The following ADAMTS2 variants were observed in gnomAD, a reference collection of about 807,000 sequenced individuals.
ADAMTS2 encodes A disintegrin and metalloproteinase with thrombospondin motifs 2.
ADAMTS2 carries 50 observed loss-of-function variants against 123.0 expected under a neutral mutation model. The observed-to-expected ratio is 0.41, with a 90% CI of 0.32 to 0.51. The LOEUF (loss-of-function observed/expected upper bound fraction) is 0.51. ADAMTS2 is among the 20% of genes least tolerant of loss of function. ADAMTS2 has a pLI of 0.35. For synonymous variants in ADAMTS2, 678 were observed against 695.4 expected (o/e 0.98, Z 0.39); for missense variants, 1,494 against 1,705.2 (o/e 0.88, Z 2.18).
At chr5:179,226,542 G>A (rs2113419593) in intron 3 of ADAMTS2, among the ~76,000 whole-genome samples, 1 of 151,936 alleles carries the variant, frequency 6.6e-6, no homozygotes, top group African/African-American at 2.4e-5. Context: ...CTCCCACAGT[G>A]TTGGTATTAC....
rs760424301 is a variant in ADAMTS2, at chr5:179,121,757, G to T, written c.3089-7C>A. 1.2e-5 allele frequency: 18 copies of T among 1,547,370 alleles called. No homozygotes were observed. The East Asian group carries it at 4.2e-4, about 36-fold the overall frequency. On this transcript the variant is annotated splice_polypyrimidine_tract_variant and splice_region_variant and intron_variant, in intron 20 of 21. Coordinates refer to ENST00000251582, the MANE Select transcript of ADAMTS2 (RefSeq NM_014244.5). The stretch of plus-strand genomic sequence containing the variant: ...GAGGGATCTGAGATGTTTCCTAGAG[G>T]GAGGAGAGAGGGGCTGCGGCCGCAG...
chr5:179,160,799 T>G (rs1178708041), intron 5 of ADAMTS2, among the ~76,000 whole-genome samples: 1 of 152,198 alleles, frequency 6.6e-6, no homozygotes, highest in Non-Finnish European at 1.5e-5. Context: ...GTGCACTTCC[T>G]GTTCCCATCA....
chr5:179,139,007 C>T (rs553574997), intron 11 of ADAMTS2, among the ~76,000 whole-genome samples: 4 of 152,362 alleles, frequency 2.6e-5, no homozygotes, highest in Non-Finnish European at 5.9e-5. Context: ...TGTGAAATTA[C>T]AGATTGTCAA....
chr5:179,159,656 C>T (rs1405566763), intron 5 of ADAMTS2, among the ~76,000 whole-genome samples: 1 of 152,162 alleles, frequency 6.6e-6, no homozygotes, highest in Non-Finnish European at 1.5e-5. Flanking sequence ...TGCACACTCT[C>T]TCTGCACCAT....
At position 179,216,336 on chromosome 5, in the gene ADAMTS2, G is replaced by T. The variant is rs565363996; in HGVS notation, c.689-8621C>A. On this transcript the variant is annotated intron_variant, in intron 3 of 21. Transcript: ENST00000251582. ...CAGGAGAGCCTGGCCTAGGTTCTTGGCAGTACTTGGCTTGGCCATGTGCCG... is the reference window on the plus strand; with the variant it reads ...CAGGAGAGCCTGGCCTAGGTTCTTGTCAGTACTTGGCTTGGCCATGTGCCG... Among the ~76,000 whole-genome samples the T allele has an allele frequency of 7.5e-4, 115 of 152,364 alleles. 1 individual carries two copies. The highest frequency in any genetic ancestry group is 2.7e-3 in the African/African-American group (112 of 41,594).
intron 5 of ADAMTS2, among the ~76,000 whole-genome samples, chr5:179,165,503 T>C (rs1008132696): frequency 1.3e-5 from 2 of 152,146 alleles, no homozygotes; most frequent in African/African-American, 4.8e-5. Context: ...TGACTCCACC[T>C]GTTCCTAGCT....
intron 2 of ADAMTS2, among the ~76,000 whole-genome samples, chr5:179,327,599 T>C (rs1456667386): frequency 1.3e-5 from 2 of 152,124 alleles, no homozygotes; most frequent in Non-Finnish European, 2.9e-5. Flanking sequence ...CATCCTGCGT[T>C]CGAAGCTCTA....
At chr5:179,184,509 T>TA (rs554713153) in intron 4 of ADAMTS2, among the ~76,000 whole-genome samples, 5,595 of 91,132 alleles carry the variant, frequency 0.061, 223 homozygotes, top group African/African-American at 0.14. Flanking sequence ...AGACTCTGTC[T>TA]AAAAAAAAAA....
intron 3 of ADAMTS2, among the ~76,000 whole-genome samples, chr5:179,211,674 G>C (rs1380606508): frequency 2.0e-5 from 3 of 152,228 alleles, no homozygotes; most frequent in African/African-American, 2.4e-5. Context: ...AATGAGGGGA[G>C]GCAGCAGTTC....
At chr5:179,145,698 T>C (rs550294344) in intron 10 of ADAMTS2, among the ~76,000 whole-genome samples, 3 of 152,302 alleles carry the variant, frequency 2.0e-5, no homozygotes, top group Admixed American at 6.5e-5. Flanking sequence ...TACGAGTGGC[T>C]ATCTGGAGTT....
intron 3 of ADAMTS2, among the ~76,000 whole-genome samples, chr5:179,235,850 C>A (rs1166181512): frequency 3.9e-5 from 6 of 152,214 alleles, no homozygotes; most frequent in Non-Finnish European, 1.5e-5. Flanking sequence ...TCCAACAGTG[C>A]CCCCACCCTC....
At position 179,329,099 on chromosome 5, in the gene ADAMTS2, G is replaced by A. The variant is rs562893674; in HGVS notation, c.534+14668C>T. ...TCCCAGCACTTTGGGAGGCCAAGGAGGGCGGATCACGAGGTCAGGAGATGG... is the reference window on the plus strand; with the variant it reads ...TCCCAGCACTTTGGGAGGCCAAGGAAGGCGGATCACGAGGTCAGGAGATGG... On this transcript the variant is annotated intron_variant, in intron 2 of 21. Transcript: ENST00000251582. 8.5e-5 allele frequency among the ~76,000 whole-genome samples: 13 copies of A among 152,262 alleles called. No individual in the cohort carries two copies. In the East Asian group the frequency reaches 9.7e-4, roughly 11 times the overall value.
At position 179,289,875 on chromosome 5, in the gene ADAMTS2, T is replaced by C. The variant is rs563130578; in HGVS notation, c.535-16811A>G. 7.2e-4 allele frequency among the ~76,000 whole-genome samples: 110 copies of C among 152,320 alleles called. No individual in the cohort carries two copies. The South Asian group carries it at 0.022, about 30-fold the overall frequency. On this transcript the variant is annotated intron_variant, in intron 2 of 21. Transcript: ENST00000251582. ...GGCACACCAGAAAAACCCATGGGGA[T>C]GCACCGTCTACAAAACAGCTGACCA...
Position 179,266,348 on chromosome 5 carries a change from G to A in ADAMTS2, c.688+6563C>T, listed in dbSNP as rs142736111. Among the ~76,000 whole-genome samples the A allele has an allele frequency of 3.2e-3, 482 of 152,266 alleles. 3 individuals are homozygous for A. The highest frequency in any genetic ancestry group is 0.011 in the African/African-American group (462 of 41,548). ...GGAAAGTAACCTGGATGGTCCCAGCGGGCCCTAAATGTTATCACAAGTGTC... is the reference window on the plus strand; with the variant it reads ...GGAAAGTAACCTGGATGGTCCCAGCAGGCCCTAAATGTTATCACAAGTGTC... On this transcript the variant is annotated intron_variant, in intron 3 of 21. Transcript: ENST00000251582.
chr5:179,155,645 C>G lies in ADAMTS2; in HGVS notation c.1133-726G>C, dbSNP rs1763455229. On this transcript the variant is annotated intron_variant, in intron 6 of 21. Coordinates refer to ENST00000251582, the MANE Select transcript of ADAMTS2 (RefSeq NM_014244.5). This position sits in a 1 kb window ranked among gnomAD's most constrained non-coding sequence, Gnocchi z 5.1. The stretch of plus-strand genomic sequence containing the variant: ...CATGACGCAGAGACCCCACGTCAAA[C>G]TGAGGAAGATGGATAATGAGACCTA... 6.6e-6 allele frequency among the ~76,000 whole-genome samples: 1 copy of G among 152,226 alleles called. No homozygotes were observed. Among genetic ancestry groups the G allele is most frequent in the African/African-American group, 2.4e-5 (1 of 41,458 alleles).
At chr5:179,305,247 T>G (rs1421971359) in intron 2 of ADAMTS2, among the ~76,000 whole-genome samples, 1 of 152,172 alleles carries the variant, frequency 6.6e-6, no homozygotes, top group Admixed American at 6.5e-5. Flanking sequence ...AAAGAAATTT[T>G]GAACATCAGG....
intron 4 of ADAMTS2, among the ~76,000 whole-genome samples, chr5:179,184,509 T>TCAAAAAAAAAAAAAAAAAAA (rs1290290563): frequency 3.2e-4 from 29 of 91,412 alleles, no homozygotes; most frequent in African/African-American, 1.2e-3. Flanking sequence ...AGACTCTGTC[T>TCAAAAAAAAAAAAAAAAAAA]AAAAAAAAAA....
In ADAMTS2 at chr5:179,162,524, G is replaced by A. The variant is rs919961529; in HGVS notation, c.976-3645C>T. On this transcript the variant is annotated intron_variant, in intron 5 of 21. Coordinates refer to ENST00000251582, the MANE Select transcript of ADAMTS2 (RefSeq NM_014244.5). This position sits in a 1 kb window ranked among gnomAD's most constrained non-coding sequence, Gnocchi z 5.1. ...CCAGGCTCATTCAGGTGGTCACGGCGGGCCCCAGCTGAGCTGTTGCACACC... is the reference window on the plus strand; with the variant it reads ...CCAGGCTCATTCAGGTGGTCACGGCAGGCCCCAGCTGAGCTGTTGCACACC... Among the ~76,000 whole-genome samples, 8 of 152,128 alleles carry A rather than the reference G, an allele frequency of 5.3e-5. No individual in the cohort carries two copies. Among genetic ancestry groups the A allele is most frequent in the South Asian group, 2.1e-4 (1 of 4,826 alleles).
intron 4 of ADAMTS2, among the ~76,000 whole-genome samples, chr5:179,206,628 C>T (rs1350285958): frequency 2.6e-5 from 4 of 152,196 alleles, no homozygotes; most frequent in East Asian, 1.9e-4. Flanking sequence ...TCCTTCTCAC[C>T]CCCTTCTTTT....
Sources: allele counts gnomAD v4.1 joint callset (sites outside exome capture counted in the v4.1 genomes callset), GRCh38; gene constraint gnomAD v4.1.1; non-coding constraint Gnocchi (gnomAD v3.1); transcripts MANE v1.5; gene names NCBI Gene and HGNC (gene_info 2026-07-23, HGNC 2026-07-21).